Variants in SHC2 observed in about 807,000 individuals in gnomAD.
SHC2 encodes SHC-transforming protein 2.
A neutral mutation model predicts 60.6 loss-of-function variants in SHC2; 62 were observed. The observed-to-expected ratio is 1.02, with a 90% CI of 0.83 to 1.26. The LOEUF (loss-of-function observed/expected upper bound fraction) is 1.26, where lower values mean the gene tolerates loss of function less well. SHC2 is among the 50% of genes most tolerant of loss of function. The pLI is 0.00. For missense variants in SHC2, 873 were observed against 822.2 expected, an observed-to-expected ratio of 1.06 and a Z score of -0.76; for synonymous variants, 375 against 372.4, an observed-to-expected ratio of 1.01 and a Z score of -0.08.
At chr19:421,678 G>A (rs1429225932) in intron 11 of SHC2, among the ~76,000 whole-genome samples, 1 of 152,094 alleles carries the variant, frequency 6.6e-6, no homozygotes, top group Non-Finnish European at 1.5e-5. Context: ...ATTACAACTG[G>A]GAGGCCAAGG....
rs1187083203 is a variant in SHC2 at position 425,404 on chromosome 19, G to A, written c.1175-173C>T. Among the ~76,000 whole-genome samples the A allele has an allele frequency of 6.6e-6, 1 of 152,208 alleles. No homozygotes were observed. The highest frequency in any genetic ancestry group is 1.5e-5 in the Non-Finnish European group (1 of 68,028). ...ACCCGCCCGTCTGCAGGTGCCACAG[G>A]GAGCATCTTACAGCAGCAAAGCCCC... is the stretch of plus-strand genomic sequence containing the variant. On this transcript the variant is annotated intron_variant, in intron 9 of 12. Coordinates refer to ENST00000264554, the MANE Select transcript of SHC2 (RefSeq NM_012435.3). This position sits in a 1 kb window ranked among gnomAD's most constrained non-coding sequence, Gnocchi z 4.1.
At chr19:429,660 C>G (rs1208177407) in intron 9 of SHC2, among the ~76,000 whole-genome samples, 71 of 119,542 alleles carry the variant, frequency 5.9e-4, no homozygotes, top group Non-Finnish European at 9.5e-4. Context: ...GCACGGAAAT[C>G]TCATACCGTG....
At chr19:430,562 G>T in intron 9 of SHC2, 122 bp downstream of exon 9, 1 of 738,916 alleles carries the variant, frequency 1.4e-6, no homozygotes, top group South Asian at 1.8e-5. Flanking sequence ...GGAGCAAGAC[G>T]ATCTCATAGA....
Position 438,079 on chromosome 19 carries a change from G to A in SHC2, c.720+639C>T, listed in dbSNP as rs1974764648. 6.6e-6 allele frequency among the ~76,000 whole-genome samples: 1 copy of A among 152,156 alleles called. No individual in the cohort carries two copies. Among genetic ancestry groups the A allele is most frequent in the African/African-American group, 2.4e-5 (1 of 41,440 alleles). ...GGCTCACTGCAACCTCCACTCCCAG[G>A]TTCAAGCGATTCTCCTGCCTCAGCC... On this transcript the variant is annotated intron_variant, in intron 4 of 12. Coordinates refer to ENST00000264554, the MANE Select transcript of SHC2 (RefSeq NM_012435.3). This position sits in a 1 kb window ranked among gnomAD's most constrained non-coding sequence, Gnocchi z 5.0.
intron 1 of SHC2, among the ~76,000 whole-genome samples, chr19:451,637 G>A (rs553844783): frequency 1.6e-4 from 24 of 152,176 alleles, no homozygotes; most frequent in African/African-American, 3.6e-4. Flanking sequence ...TCACTCTGTC[G>A]CCCAGGCTGG....
chr19:423,042 G>A (rs1205001231), intron 10 of SHC2, among the ~76,000 whole-genome samples: 2 of 152,182 alleles, frequency 1.3e-5, no homozygotes, highest in Non-Finnish European at 1.5e-5. Flanking sequence ...ACCCTGCAGT[G>A]CTGGAGCCCC....
intron 8 of SHC2, 59 bp downstream of exon 8, chr19:434,650 T>C: frequency 7.1e-7 from 1 of 1,403,378 alleles, no homozygotes; most frequent in South Asian, 1.3e-5. Context: ...TGGAGGTAGG[T>C]CCAGGGAACC....
At chr19:459,321 G>C (rs1281454494) in intron 1 of SHC2, among the ~76,000 whole-genome samples, 4 of 134,984 alleles carry the variant, frequency 3.0e-5, no homozygotes, top group Admixed American at 7.4e-5. Context: ...GGACCCCACT[G>C]AACCCAGCGT....
Position 424,735 on chromosome 19 carries a change from C to T in SHC2, c.1309+362G>A, listed in dbSNP as rs1974366308. On this transcript the variant is annotated intron_variant, in intron 10 of 12. Transcript: ENST00000264554. The surrounding 1 kb of genome is among the most constrained non-coding windows in gnomAD (Gnocchi z 4.5). ...GTGGAGCTTCTCACAGAGCGGGGGC[C>T]AGCGGCATTCCCAACCAGACTGGGG... is the stretch of plus-strand genomic sequence containing the variant. 6.6e-6 allele frequency among the ~76,000 whole-genome samples: 1 copy of T among 152,154 alleles called. No homozygotes were observed. Among genetic ancestry groups the T allele is most frequent in the African/African-American group, 2.4e-5 (1 of 41,444 alleles).
At chr19:448,794 C>T (rs1009173222) in intron 1 of SHC2, among the ~76,000 whole-genome samples, 25 of 152,142 alleles carry the variant, frequency 1.6e-4, no homozygotes, top group Non-Finnish European at 3.7e-4. Context: ...AGCCGGTGTG[C>T]ACTCTTCAAC....
chr19:421,735 G>GT (rs1431523699), intron 11 of SHC2, among the ~76,000 whole-genome samples: 2 of 152,050 alleles, frequency 1.3e-5, no homozygotes, highest in Admixed American at 1.3e-4. Context: ...CCTGGGCAAC[G>GT]TGGCAAGGCC....
Position 453,231 on chromosome 19 carries a change from G to C in SHC2, c.468+7298C>G, listed in dbSNP as rs1489459272. ...TTGGTACTTGGATGGGAGAAGGACA[G>C]AAAGAACCCAGATATGGGTTCTTTG... is the stretch of plus-strand genomic sequence containing the variant. On this transcript the variant is annotated intron_variant, in intron 1 of 12. Transcript: ENST00000264554. The surrounding 1 kb of genome is among the most constrained non-coding windows in gnomAD (Gnocchi z 6.3). 2.6e-5 allele frequency: 4 copies of C among 152,208 alleles called. No homozygotes were observed. The highest frequency in any genetic ancestry group is 4.4e-5 in the Non-Finnish European group (3 of 68,058). The allele number at this position is 152,208 out of a possible 1,614,324, so 9.4% of individuals were successfully genotyped here.
Position 440,355 on chromosome 19 carries a change from T to C in SHC2, c.539+507A>G, listed in dbSNP as rs1261144659. 1.3e-5 allele frequency among the ~76,000 whole-genome samples: 2 copies of C among 152,318 alleles called. No individual in the cohort carries two copies. Among genetic ancestry groups the C allele is most frequent in the Non-Finnish European group, 2.9e-5 (2 of 68,032 alleles). On this transcript the variant is annotated intron_variant, in intron 2 of 12. Coordinates refer to ENST00000264554, the MANE Select transcript of SHC2 (RefSeq NM_012435.3). This position sits in a 1 kb window ranked among gnomAD's most constrained non-coding sequence, Gnocchi z 7.0. ...GTACATTATATCTCACATACGCACG[T>C]GTAAACTGTCTCACATGGTTTTTTT...
chr19:447,507 A>G (rs1975079605), intron 1 of SHC2, among the ~76,000 whole-genome samples: 1 of 152,220 alleles, frequency 6.6e-6, no homozygotes, highest in Non-Finnish European at 1.5e-5. Flanking sequence ...AGCCGGGCAC[A>G]ATGGCTCAGG....
intron 7 of SHC2, among the ~76,000 whole-genome samples, chr19:435,232 C>T (rs2145717705): frequency 6.6e-6 from 1 of 152,372 alleles, no homozygotes; most frequent in Non-Finnish European, 1.5e-5. Context: ...TCAAAGCGCC[C>T]CCGCCCTCTG....
At chr19:429,969 T>A (rs1974532271) in intron 9 of SHC2, among the ~76,000 whole-genome samples, 1 of 145,668 alleles carries the variant, frequency 6.9e-6, no homozygotes. Flanking sequence ...ACCATGTGGA[T>A]GACGCAGTAC....
rs978404973 is a variant in SHC2 at position 452,064 on chromosome 19, C to T, written c.468+8465G>A. On this transcript the variant is annotated intron_variant, in intron 1 of 12. Coordinates refer to ENST00000264554, the MANE Select transcript of SHC2 (RefSeq NM_012435.3). ...CCTTTGTGGCGGCCTCTGTGCTTCC[C>T]GGAGAGTGGACCCTGCACATTTACA... Among the ~76,000 whole-genome samples, 10 of 152,326 alleles carry T rather than the reference C, an allele frequency of 6.6e-5. 1 individual carries two copies. Among genetic ancestry groups the T allele is most frequent in the African/African-American group, 1.4e-4 (6 of 41,576 alleles).
intron 11 of SHC2, 116 bp from the exon 12 acceptor site, chr19:419,172 G>A: frequency 8.4e-7 from 1 of 1,194,648 alleles, no homozygotes; most frequent in Non-Finnish European, 1.1e-6. Context: ...ATGGACGAGG[G>A]GCCGGACCAG....
At chr19:447,254 C>T (rs1022579940) in intron 1 of SHC2, among the ~76,000 whole-genome samples, 4 of 147,046 alleles carry the variant, frequency 2.7e-5, no homozygotes, top group African/African-American at 1.0e-4. Flanking sequence ...GTGGCCAAGA[C>T]AGGCCGATCC....
Sources: allele counts gnomAD v4.1 joint callset (sites outside exome capture counted in the v4.1 genomes callset), GRCh38; gene constraint gnomAD v4.1.1; non-coding constraint Gnocchi (gnomAD v3.1); transcripts MANE v1.5; gene names NCBI Gene and HGNC (gene_info 2026-07-23, HGNC 2026-07-21).